The following ZDHHC14 variants were observed in gnomAD, a reference collection of about 807,000 sequenced individuals.
ZDHHC14 encodes the protein palmitoyltransferase ZDHHC14.
ZDHHC14 carries 16 observed loss-of-function variants against 47.7 expected under a neutral mutation model. The observed-to-expected ratio is 0.34, with a 90% confidence interval of 0.23 to 0.51. ZDHHC14 has a LOEUF of 0.51. Among genes scored for constraint, ZDHHC14 ranks in the 20% least tolerant of loss-of-function variants. The pLI, the probability that ZDHHC14 is intolerant of heterozygous loss-of-function variation, is 0.97. For missense variants in ZDHHC14, 515 were observed against 662.5 expected (o/e 0.78, Z 2.44); for synonymous variants, 293 against 278.9 (o/e 1.05, Z -0.50).
chr6:157,458,871 T>TTTTTTTTTTTA (rs1491563247), intron 1 of ZDHHC14, among the ~76,000 whole-genome samples: 1 of 115,226 alleles, frequency 8.7e-6, no homozygotes, highest in African/African-American at 2.8e-5. Flanking sequence ...TTTTTTTTTT[T>TTTTTTTTTTTA]GAGACGGAGT....
At position 157,542,727 on chromosome 6, in the gene ZDHHC14, G is replaced by T; in HGVS notation, c.388G>T (p.Asp130Tyr). Residue 130 changes from aspartate to tyrosine, a missense_variant, in exon 2 of 9, where the codon GAT becomes TAT. This residue lies in a region of ZDHHC14 where 229 missense variants were observed against 351.5 expected (regional missense o/e 0.65). Transcript: ENST00000359775. ...ACGAGCCACGCCTGATGAAGCCGCC[G>T]ATCTGGAAAGGCAAATAGGTAACAC... ...LPRATPDEAA[D>Y]LERQIDIANG... 1.9e-6 allele frequency: 3 copies of T among 1,614,068 alleles called. No individual in the cohort carries two copies. The highest frequency in any genetic ancestry group is 2.5e-6 in the Non-Finnish European group (3 of 1,179,984).
chr6:157,623,802 C>T (rs1785291610), intron 3 of ZDHHC14, among the ~76,000 whole-genome samples: 1 of 152,146 alleles, frequency 6.6e-6, no homozygotes, highest in Admixed American at 6.5e-5. Flanking sequence ...CCCGCCTCGG[C>T]CTCCCAAAAT....
intron 4 of ZDHHC14, chr6:157,630,950 ACC>A (rs1785691936): frequency 6.7e-6 from 1 of 148,582 alleles, no homozygotes; most frequent in Non-Finnish European, 1.5e-5. Context: ...ACCCTTACAC[ACC>A]CACACTCACA....
At chr6:157,584,943 G>A (rs1215154756) in intron 2 of ZDHHC14, among the ~76,000 whole-genome samples, 1 of 152,162 alleles carries the variant, frequency 6.6e-6, no homozygotes, top group East Asian at 1.9e-4. Flanking sequence ...GGTGGCTCAT[G>A]GCTGTAATCC....
chr6:157,559,769 C>T (rs17165429), intron 2 of ZDHHC14, among the ~76,000 whole-genome samples: 42,895 of 152,104 alleles, frequency 0.28, 6,235 homozygotes, highest in East Asian at 0.37. Context: ...AGCTCTGAAA[C>T]GTCTGGATTT....
intron 1 of ZDHHC14, among the ~76,000 whole-genome samples, chr6:157,454,642 T>A (rs918008882): frequency 1.3e-5 from 2 of 152,098 alleles, no homozygotes; most frequent in African/African-American, 4.8e-5. Flanking sequence ...GTGCTGGGAT[T>A]ACAAGCGTGA....
intron 5 of ZDHHC14, 120 bp downstream of exon 5, chr6:157,633,002 A>G (rs982494721): frequency 3.3e-5 from 34 of 1,045,590 alleles, no homozygotes; most frequent in Non-Finnish European, 5.1e-5. Context: ...CTTATTCCAA[A>G]GAACTCCCTC....
intron 8 of ZDHHC14, among the ~76,000 whole-genome samples, chr6:157,668,294 C>A (rs746505686): frequency 1.3e-5 from 2 of 152,124 alleles, no homozygotes; most frequent in Non-Finnish European, 2.9e-5. Flanking sequence ...TTAAACAAAT[C>A]TGTGTAGAAG....
intron 2 of ZDHHC14, among the ~76,000 whole-genome samples, chr6:157,574,901 C>T (rs1458059933): frequency 6.6e-6 from 1 of 152,148 alleles, no homozygotes; most frequent in African/African-American, 2.4e-5. Flanking sequence ...AATACAGAAC[C>T]CTTCTTGGCC....
At position 157,445,891 on chromosome 6, in the gene ZDHHC14, C is replaced by A. The variant is rs143678554; in HGVS notation, c.245+63625C>A. ...CATCAACTTAATATCCTTCTCCCAG[C>A]AAATTATCCAGGGCAAAGTCATCGC... On this transcript the variant is annotated intron_variant, in intron 1 of 8. Coordinates refer to ENST00000359775, the MANE Select transcript of ZDHHC14 (RefSeq NM_024630.3). Among the ~76,000 whole-genome samples the A allele has an allele frequency of 2.9e-3, 445 of 152,280 alleles. 1 individual carries two copies. Among genetic ancestry groups the A allele is most frequent in the African/African-American group, 0.01 (417 of 41,540 alleles).
chr6:157,513,063 T>G (rs1400135582), intron 1 of ZDHHC14, among the ~76,000 whole-genome samples: 1 of 152,230 alleles, frequency 6.6e-6, no homozygotes, highest in East Asian at 1.9e-4. Flanking sequence ...TACGGGACTT[T>G]GTTAAATAAT....
chr6:157,580,578 T>C (rs1783474833), intron 2 of ZDHHC14, among the ~76,000 whole-genome samples: 1 of 152,222 alleles, frequency 6.6e-6, no homozygotes, highest in South Asian at 2.1e-4. Flanking sequence ...TCATTACTAA[T>C]CTGTTCAGGG....
chr6:157,651,435 C>T (rs1375076528), intron 7 of ZDHHC14, among the ~76,000 whole-genome samples: 4 of 152,238 alleles, frequency 2.6e-5, no homozygotes, highest in African/African-American at 7.2e-5. Context: ...AAAGGCCCAC[C>T]CCAATTGAGT....
intron 3 of ZDHHC14, among the ~76,000 whole-genome samples, chr6:157,622,271 T>G (rs935979108): frequency 3.4e-5 from 5 of 149,248 alleles, no homozygotes; most frequent in Non-Finnish European, 5.9e-5. Context: ...ATGCCTATAG[T>G]CCCAGCCACT....
At chr6:157,549,330 G>A (rs1397973450) in intron 2 of ZDHHC14, among the ~76,000 whole-genome samples, 1 of 152,238 alleles carries the variant, frequency 6.6e-6, no homozygotes, top group East Asian at 1.9e-4. Flanking sequence ...GAACTTCGGG[G>A]AATTTCCAGA....
intron 1 of ZDHHC14, among the ~76,000 whole-genome samples, chr6:157,495,079 T>C (rs1780025794): frequency 6.6e-6 from 1 of 152,196 alleles, no homozygotes; most frequent in African/African-American, 2.4e-5. Context: ...TTTTTATTTT[T>C]TCATTTCAAA....
At chr6:157,563,097 C>T (rs1006280374) in intron 2 of ZDHHC14, among the ~76,000 whole-genome samples, 3 of 152,152 alleles carry the variant, frequency 2.0e-5, no homozygotes, top group Admixed American at 6.5e-5. Flanking sequence ...CCCAGGCACC[C>T]GGAGCTGGGC....
intron 1 of ZDHHC14, among the ~76,000 whole-genome samples, chr6:157,407,111 G>A (rs564189231): frequency 6.6e-6 from 1 of 152,298 alleles, no homozygotes; most frequent in Non-Finnish European, 1.5e-5. Flanking sequence ...TACAACAAAT[G>A]ACCCTATAAT....
At chr6:157,557,439 G>A (rs1782521497) in intron 2 of ZDHHC14, among the ~76,000 whole-genome samples, 3 of 152,144 alleles carry the variant, frequency 2.0e-5, no homozygotes, top group Admixed American at 2.0e-4. Flanking sequence ...AGTCTCCAAT[G>A]GCTCATCCTA....
Sources: gnomAD v4.1 joint callset for allele counts (sites outside exome capture counted in the v4.1 genomes callset) on GRCh38, gnomAD v4.1.1 for gene constraint, gnomAD v4.1.1 regional missense constraint, MANE v1.5 for transcripts, NCBI Gene and HGNC (gene_info 2026-07-23, HGNC 2026-07-21) for gene names.